Variants in SPIDR observed in about 807,000 individuals in gnomAD.
SPIDR encodes the protein scaffold protein involved in DNA repair.
In SPIDR, 93 loss-of-function variants were observed where a neutral mutation model predicts 104.6. That is an observed-to-expected ratio of 0.89 (90% CI 0.75 to 1.06). The LOEUF (loss-of-function observed/expected upper bound fraction) is 1.06. Ranked by LOEUF, SPIDR falls within the 50% of genes least tolerant of loss-of-function variation. SPIDR has a pLI of 0.00. For synonymous variants in SPIDR, 431 were observed against 416.9 expected (o/e 1.03, Z -0.41); for missense variants, 1,154 against 1,111.2 (o/e 1.04, Z -0.55).
intron 5 of SPIDR, among the ~76,000 whole-genome samples, chr8:47,299,182 T>G (rs1295158138): frequency 3.9e-5 from 6 of 152,224 alleles, no homozygotes; most frequent in Non-Finnish European, 7.3e-5. Context: ...CTCTTGTAAG[T>G]TGGAATCCTA....
chr8:47,412,996 AATGAT>A, intron 7 of SPIDR, among the ~76,000 whole-genome samples: 1 of 152,356 alleles, frequency 6.6e-6, no homozygotes, highest in South Asian at 2.1e-4. Flanking sequence ...CTTTTGAAGT[AATGAT>A]ATGAGAGAAT....
chr8:47,290,328 T>C (rs2154237248), intron 3 of SPIDR, among the ~76,000 whole-genome samples: 1 of 152,094 alleles, frequency 6.6e-6, no homozygotes, highest in Non-Finnish European at 1.5e-5. Flanking sequence ...GTTGACAGAG[T>C]TCAGGGATTG....
At chr8:47,355,596 G>T (rs1240702911) in intron 5 of SPIDR, among the ~76,000 whole-genome samples, 1 of 152,150 alleles carries the variant, frequency 6.6e-6, no homozygotes, top group Non-Finnish European at 1.5e-5. Context: ...CATAGATTAA[G>T]TATTTAAAAC....
At chr8:47,403,356 G>A (rs1173418520) in intron 6 of SPIDR, among the ~76,000 whole-genome samples, 1 of 152,182 alleles carries the variant, frequency 6.6e-6, no homozygotes, top group Non-Finnish European at 1.5e-5. Flanking sequence ...TCTGGCCAGG[G>A]CAATCAGGCA....
chr8:47,343,033 A>G (rs782039141), intron 5 of SPIDR, among the ~76,000 whole-genome samples: 5 of 152,216 alleles, frequency 3.3e-5, no homozygotes, highest in African/African-American at 7.2e-5. Context: ...GGTGGATGTC[A>G]TATCATCCAT....
At position 47,719,235 on chromosome 8, in the gene SPIDR, G is replaced by A. The variant is rs545714170; in HGVS notation, c.2341+5594G>A. Among the ~76,000 whole-genome samples, 82 of 152,316 alleles carry A rather than the reference G, an allele frequency of 5.4e-4. 1 individual carries two copies. Among genetic ancestry groups the A allele is most frequent in the Middle Eastern group, 6.8e-3 (2 of 294 alleles). On this transcript the variant is annotated intron_variant, in intron 16 of 19. Transcript: ENST00000297423. ...AAACGATGTAAGTACCAGGCTGGGC[G>A]TGGTGGTTCATGCCTGTAATCCCAG...
chr8:47,289,042 C>A (rs2039409338), intron 3 of SPIDR, among the ~76,000 whole-genome samples: 1 of 152,050 alleles, frequency 6.6e-6, no homozygotes, highest in Admixed American at 6.6e-5. Context: ...TGGGATCTTA[C>A]CCTGTCACTC....
chr8:47,547,323 C>T, intron 8 of SPIDR: 2 of 528,716 alleles, frequency 3.8e-6, no homozygotes, highest in Non-Finnish European at 7.5e-6. Context: ...AGTCAATGCC[C>T]ATGACATCTA....
At chr8:47,643,819 C>A (rs1760854903) in intron 10 of SPIDR, among the ~76,000 whole-genome samples, 4 of 152,192 alleles carry the variant, frequency 2.6e-5, no homozygotes, top group Admixed American at 2.6e-4. Context: ...GAAAGACTTT[C>A]ATTCCTGCCC....
chr8:47,657,050 G>A (rs2072959427), intron 10 of SPIDR, among the ~76,000 whole-genome samples: 1 of 152,088 alleles, frequency 6.6e-6, no homozygotes, highest in African/African-American at 2.4e-5. Context: ...TTTCCTTTTG[G>A]GATGATAAAA....
chr8:47,618,157 C>G (rs142188462), intron 10 of SPIDR, among the ~76,000 whole-genome samples: 1 of 152,080 alleles, frequency 6.6e-6, no homozygotes, highest in East Asian at 1.9e-4. Flanking sequence ...ATCAGAATTC[C>G]TCTCGTGTCA....
At chr8:47,393,729 T>C (rs918952999) in intron 5 of SPIDR, among the ~76,000 whole-genome samples, 1 of 142,042 alleles carries the variant, frequency 7.0e-6, no homozygotes, top group South Asian at 2.3e-4. Flanking sequence ...TTTCCTTTCC[T>C]TTCCTTCCTT....
At chr8:47,395,808 G>C (rs1554657982) in intron 5 of SPIDR, among the ~76,000 whole-genome samples, 1 of 152,180 alleles carries the variant, frequency 6.6e-6, no homozygotes, top group East Asian at 1.9e-4. Flanking sequence ...AGGAGACAAT[G>C]ACTCATATTC....
At chr8:47,284,231 A>G in intron 3 of SPIDR, 137 bp downstream of exon 3, 1 of 622,730 alleles carries the variant, frequency 1.6e-6, no homozygotes, top group Non-Finnish European at 2.7e-6. Flanking sequence ...ACATCAAGAT[A>G]AGGTAAAAAG....
chr8:47,271,740 G>C (rs1270083675), intron 1 of SPIDR, among the ~76,000 whole-genome samples: 3 of 151,926 alleles, frequency 2.0e-5, no homozygotes, highest in Admixed American at 2.0e-4. Context: ...ATTTTCTTTT[G>C]ACTACATTTT....
In SPIDR at chr8:47,713,545, G is replaced by A; in HGVS notation, c.2245G>A (p.Val749Met). The change falls in exon 16 of 20, where the codon GTG (valine) becomes ATG (methionine). Residue 749 changes from valine to methionine, a missense_variant. Coordinates refer to ENST00000297423, the MANE Select transcript of SPIDR (RefSeq NM_001080394.4). The stretch of plus-strand genomic sequence containing the variant: ...CTTGCTTCAGAAGCCCCTTTTGAGT[G>A]TGGTCTCTGGTGCAAGTTCCTGTGA... ...VLLLQKPLLSVVSGASSCELP... is the reference protein window; with the variant it reads ...VLLLQKPLLSMVSGASSCELP... 1 of 1,614,194 alleles carries A rather than the reference G, an allele frequency of 6.2e-7. No homozygotes were observed. Among genetic ancestry groups the A allele is most frequent in the Non-Finnish European group, 8.5e-7 (1 of 1,180,024 alleles).
At chr8:47,707,802 A>AT (rs2081297243) in intron 14 of SPIDR, among the ~76,000 whole-genome samples, 1 of 152,066 alleles carries the variant, frequency 6.6e-6, no homozygotes, top group African/African-American at 2.4e-5. Context: ...GTCAAGGTTA[A>AT]TTTTTTCACC....
At chr8:47,347,517 T>C (rs1554619145) in intron 5 of SPIDR, among the ~76,000 whole-genome samples, 1 of 152,202 alleles carries the variant, frequency 6.6e-6, no homozygotes, top group African/African-American at 2.4e-5. Flanking sequence ...ACTTTCTGTC[T>C]CGTTGATCTG....
At chr8:47,399,666 G>T (rs1554661062) in intron 6 of SPIDR, among the ~76,000 whole-genome samples, 1 of 152,174 alleles carries the variant, frequency 6.6e-6, no homozygotes, top group Non-Finnish European at 1.5e-5. Context: ...CCCTTGGGCT[G>T]CCCATGTGGG....
Sources: allele counts gnomAD v4.1 joint callset (sites outside exome capture counted in the v4.1 genomes callset), GRCh38; gene constraint gnomAD v4.1.1; transcripts MANE v1.5; gene names NCBI Gene and HGNC (gene_info 2026-07-23, HGNC 2026-07-21).